Variants in NR3C2 observed in about 807,000 individuals in gnomAD.
NR3C2 encodes the protein nuclear receptor subfamily 3 group C member 2, also known as mineralocorticoid receptor.
Under a neutral mutation model 86.4 loss-of-function variants are expected in NR3C2, and 15 were observed. The ratio of observed to expected loss-of-function variants is 0.17; its 90% CI spans 0.12 to 0.27. NR3C2 has a LOEUF of 0.27. Ranked by LOEUF, NR3C2 falls within the 10% of genes least tolerant of loss-of-function variation. The probability of loss-of-function intolerance (pLI) is 1.00; values close to 1 mark genes in which losing one functional copy is unlikely to be tolerated. For missense variants in NR3C2, 960 were observed against 1,195.6 expected (o/e 0.80, Z 2.91); for synonymous variants, 458 against 450.5 (o/e 1.02, Z -0.21).
intron 2 of NR3C2, among the ~76,000 whole-genome samples, chr4:148,355,798 C>T (rs1215088521): frequency 6.6e-6 from 1 of 152,190 alleles, no homozygotes; most frequent in Non-Finnish European, 1.5e-5. Flanking sequence ...TAACACTTCG[C>T]ATAAATAGGT....
chr4:148,382,870 CAAA>C (rs1747069992), intron 2 of NR3C2, among the ~76,000 whole-genome samples: 1 of 151,996 alleles, frequency 6.6e-6, no homozygotes, highest in South Asian at 2.1e-4. Context: ...AGCTGAGTTA[CAAA>C]TAAAGCAGTA....
At chr4:148,166,619 T>C (rs1399044093) in intron 4 of NR3C2, among the ~76,000 whole-genome samples, 2 of 152,152 alleles carry the variant, frequency 1.3e-5, no homozygotes, top group African/African-American at 4.8e-5. Context: ...CCTACCACCC[T>C]AAAGGAAAAG....
intron 2 of NR3C2, among the ~76,000 whole-genome samples, chr4:148,324,041 C>T (rs557154686): frequency 6.6e-6 from 1 of 152,156 alleles, no homozygotes; most frequent in African/African-American, 2.4e-5. Context: ...AAATCTAAAT[C>T]CTGGTGCAAA....
At position 148,080,865 on chromosome 4, in the gene NR3C2, ATTT is replaced by A; in HGVS notation, c.*476_*478del. ...TATTACACAACAGGAATCTGTATAT[ATTT>A]TTTTATTATTTTTTTGTGTTTTTTT... On this transcript the variant is annotated 3_prime_UTR_variant, in exon 9 of 9. Transcript: ENST00000358102. 1 of 363,330 alleles carries A rather than the reference ATTT, an allele frequency of 2.8e-6. No individual in the cohort carries two copies. The highest frequency in any genetic ancestry group is 5.6e-6 in the Non-Finnish European group (1 of 178,304). 22.5% of individuals were successfully genotyped at this position (363,330 alleles called of 1,614,324 possible). A position where few individuals can be genotyped will look rare whatever the true frequency, so the allele number is the denominator to read the frequency against.
chr4:148,376,286 C>T (rs1238449017), intron 2 of NR3C2, among the ~76,000 whole-genome samples: 2 of 151,878 alleles, frequency 1.3e-5, no homozygotes, highest in Non-Finnish European at 2.9e-5. Context: ...TGAGCCTGTG[C>T]CAGTTTACAG....
intron 2 of NR3C2, among the ~76,000 whole-genome samples, chr4:148,322,964 A>AAG (rs973569436): frequency 2.7e-5 from 4 of 149,882 alleles, no homozygotes; most frequent in Admixed American, 1.3e-4. Context: ...TCTGCTGTTT[A>AAG]GAGTTTCCAG....
At chr4:148,207,832 C>T (rs1025783353) in intron 3 of NR3C2, among the ~76,000 whole-genome samples, 1 of 152,170 alleles carries the variant, frequency 6.6e-6, no homozygotes, top group Non-Finnish European at 1.5e-5. Flanking sequence ...TTCCTATACA[C>T]ACACACACCC....
At chr4:148,283,980 G>T (rs879017503) in intron 2 of NR3C2, among the ~76,000 whole-genome samples, 6 of 152,080 alleles carry the variant, frequency 3.9e-5, no homozygotes, top group Admixed American at 3.9e-4. Flanking sequence ...ATACTAATTC[G>T]ATTCACTTCA....
At chr4:148,130,375 A>T (rs188481702) in intron 6 of NR3C2, among the ~76,000 whole-genome samples, 1 of 152,364 alleles carries the variant, frequency 6.6e-6, no homozygotes, top group Admixed American at 6.5e-5. Flanking sequence ...TTTTAAACGT[A>T]AGATCCTTTA....
intron 4 of NR3C2, among the ~76,000 whole-genome samples, chr4:148,160,784 T>G (rs1440198111): frequency 3.9e-5 from 6 of 152,124 alleles, no homozygotes; most frequent in Non-Finnish European, 2.9e-5. Context: ...TCTCTTCCCC[T>G]TGCCCCCACC....
At chr4:148,295,402 T>G (rs1741999241) in intron 2 of NR3C2, among the ~76,000 whole-genome samples, 2 of 151,732 alleles carry the variant, frequency 1.3e-5, no homozygotes, top group African/African-American at 4.8e-5. Context: ...AGGCTCCCTC[T>G]GCAATATCCA....
chr4:148,208,812 TTCC>T (rs1417653113), intron 3 of NR3C2: 1 of 152,220 alleles, frequency 6.6e-6, no homozygotes, highest in Non-Finnish European at 1.5e-5. Context: ...AAAGAAATAT[TTCC>T]TGTCACCATT....
chr4:148,278,935 G>A (rs1264296059), intron 2 of NR3C2, among the ~76,000 whole-genome samples: 1 of 152,014 alleles, frequency 6.6e-6, no homozygotes, highest in African/African-American at 2.4e-5. Context: ...GGCTGAGACG[G>A]GTAGATCACC....
chr4:148,212,340 C>T (rs1176427170), intron 3 of NR3C2, among the ~76,000 whole-genome samples: 4 of 152,216 alleles, frequency 2.6e-5, no homozygotes, highest in African/African-American at 7.2e-5. Flanking sequence ...TCTTATGCAT[C>T]AATAGAGCCT....
intron 4 of NR3C2, among the ~76,000 whole-genome samples, chr4:148,163,353 G>A (rs1392639457): frequency 3.9e-5 from 6 of 152,176 alleles, no homozygotes; most frequent in Non-Finnish European, 8.8e-5. Flanking sequence ...ACCCTCTGAT[G>A]TACATTCCTG....
intron 8 of NR3C2, among the ~76,000 whole-genome samples, chr4:148,096,397 T>C (rs2149713351): frequency 6.6e-6 from 1 of 152,344 alleles, no homozygotes; most frequent in East Asian, 1.9e-4. Flanking sequence ...TGTGTTTATA[T>C]GTTACCAACT....
At chr4:148,259,915 C>T in intron 3 of NR3C2, 63 bp downstream of exon 3, 2 of 1,588,318 alleles carry the variant, frequency 1.3e-6, no homozygotes, top group Non-Finnish European at 1.7e-6. Flanking sequence ...ATAGCATTAG[C>T]TGTACAAGTA....
At chr4:148,223,133 T>C (rs1405378309) in intron 3 of NR3C2, among the ~76,000 whole-genome samples, 1 of 152,084 alleles carries the variant, frequency 6.6e-6, no homozygotes, top group Non-Finnish European at 1.5e-5. Flanking sequence ...CAGCTCCACT[T>C]TCCAACCTTA....
chr4:148,152,959 A>T (rs558934771), intron 5 of NR3C2, among the ~76,000 whole-genome samples: 1 of 152,352 alleles, frequency 6.6e-6, no homozygotes, highest in Admixed American at 6.5e-5. Context: ...CCCACAATTA[A>T]TAACACTAAA....
Sources: allele counts gnomAD v4.1 joint callset (sites outside exome capture counted in the v4.1 genomes callset), GRCh38; gene constraint gnomAD v4.1.1; transcripts MANE v1.5; gene names NCBI Gene and HGNC (gene_info 2026-07-23, HGNC 2026-07-21).